ZNF423: variants seen among roughly 807,000 people sequenced by gnomAD.
ZNF423 encodes the protein zinc finger protein 423, also known as Ebf-associated zinc finger protein.
A neutral mutation model predicts 95.8 loss-of-function variants in ZNF423; 12 were observed. The observed-to-expected ratio is 0.13, with a 90% CI of 0.08 to 0.20. ZNF423 has a LOEUF of 0.20. ZNF423 is among the 10% of genes least tolerant of loss of function. ZNF423 has a pLI of 1.00. For missense variants in ZNF423, 1,316 were observed against 1,737.1 expected (o/e 0.76, Z 4.31); for synonymous variants, 749 against 711.9 (o/e 1.05, Z -0.83).
rs557439854 is a variant in ZNF423 at position 49,490,481 on chromosome 16, A to G, written c.*794T>C. ...TTCTTTTCCAAGGGGAGCAGGGTCT[A>G]TTGTGTGCAGGTCCCCAAGGGCGTG... On this transcript the variant is annotated 3_prime_UTR_variant, in exon 8 of 8. Coordinates refer to ENST00000563137, the MANE Select transcript of ZNF423 (RefSeq NM_001379286.1). The G allele has an allele frequency of 2.0e-5, 3 of 152,552 alleles. No individual in the cohort carries two copies. The highest frequency in any genetic ancestry group is 4.8e-5 in the African/African-American group (2 of 41,566). The allele number at this position is 152,552 out of a possible 1,614,324, so 9.4% of individuals were successfully genotyped here. A position where few individuals can be genotyped will look rare whatever the true frequency, so the allele number is the denominator to read the frequency against.
chr16:49,815,881 AATAT>A (rs1169322824), intron 1 of ZNF423, among the ~76,000 whole-genome samples: 70 of 47,596 alleles, frequency 1.5e-3, no homozygotes, highest in Middle Eastern at 0.018. Context: ...AAAAAAAAAA[AATAT>A]ATATATATAT....
chr16:49,530,989 A>T (rs1416134943), intron 5 of ZNF423, among the ~76,000 whole-genome samples: 6 of 152,244 alleles, frequency 3.9e-5, no homozygotes, highest in Non-Finnish European at 5.9e-5. Context: ...GAAGGAAGAC[A>T]GAGCCGCCCT....
chr16:49,646,574 C>CTTTTTTT lies in ZNF423; in HGVS notation c.302-7707_302-7701dup, dbSNP rs71380366. On this transcript the variant is annotated intron_variant, in intron 3 of 7. Transcript: ENST00000563137. ...TTATGGCACATTTTCTTTTCTTTTT[C>CTTTTTTT]TTTTTTTTTTTTTTGAGAAGGAGTC... Among the ~76,000 whole-genome samples, 58 of 117,996 alleles carry CTTTTTTT rather than the reference C, an allele frequency of 4.9e-4. 1 individual carries two copies. Among genetic ancestry groups the CTTTTTTT allele is most frequent in the South Asian group, 1.9e-3 (7 of 3,610 alleles). 77.4% of individuals were successfully genotyped at this position (117,996 alleles called of 152,430 possible).
rs796834568 is a variant in ZNF423 at position 49,492,472 on chromosome 16, AGGCCGG to A, written c.3850-1174_3850-1169del. Reference sequence around the variant, plus strand: ...TGCCAGTAGCCTCGCCCGGAGGCCGAGGCCGGGGCCGGGGCCGGGGCCGGGGCCGAG... The same window carrying A: ...TGCCAGTAGCCTCGCCCGGAGGCCGAGGCCGGGGCCGGGGCCGGGGCCGAG... On this transcript the variant is annotated intron_variant, in intron 7 of 7. Coordinates refer to ENST00000563137, the MANE Select transcript of ZNF423 (RefSeq NM_001379286.1). The surrounding 1 kb of genome is among the most constrained non-coding windows in gnomAD (Gnocchi z 4.2). Among the ~76,000 whole-genome samples the A allele has an allele frequency of 0.027, 4,097 of 152,082 alleles. 187 individuals carry two copies. The highest frequency in any genetic ancestry group is 0.092 in the African/African-American group (3,816 of 41,484).
intron 5 of ZNF423, among the ~76,000 whole-genome samples, chr16:49,623,698 G>A (rs983653953): frequency 5.3e-5 from 8 of 152,164 alleles, no homozygotes; most frequent in Non-Finnish European, 8.8e-5. Context: ...CTCCCTGTCA[G>A]GCCAAGCTCC....
chr16:49,809,552 G>T (rs1174757059), intron 1 of ZNF423, among the ~76,000 whole-genome samples: 1 of 152,214 alleles, frequency 6.6e-6, no homozygotes, highest in Non-Finnish European at 1.5e-5. Context: ...CCAAGAAGGC[G>T]AGAGGGGGAC....
At chr16:49,510,467 A>G (rs1244490861) in intron 7 of ZNF423, among the ~76,000 whole-genome samples, 2 of 152,208 alleles carry the variant, frequency 1.3e-5, no homozygotes, top group African/African-American at 4.8e-5. Context: ...GAGTGCTGCT[A>G]GGGACCTCAC....
At position 49,637,219 on chromosome 16, in the gene ZNF423, C is replaced by G; in HGVS notation, c.1957G>C (p.Glu653Gln). 6.2e-7 allele frequency: 1 copy of G among 1,614,070 alleles called. No individual in the cohort carries two copies. Among genetic ancestry groups the G allele is most frequent in the Non-Finnish European group, 8.5e-7 (1 of 1,180,038 alleles). ...NQCDLKFSNF[E>Q]SFQTHLKLHL... ...AGCTTCAGGTGGGTCTGGAAGCTCT[C>G]AAAGTTGGAGAACTTGAGGTCGCAT... Residue 653 changes from glutamate to glutamine, a missense_variant, in exon 4 of 8, where the codon GAG becomes CAG. Physicochemically the swap from Glu to Gln is conservative, Grantham distance 29 (BLOSUM62 2). Transcript: ENST00000563137. The surrounding 1 kb of genome is among the most constrained non-coding windows in gnomAD (Gnocchi z 5.6).
At chr16:49,633,738 A>C (rs1205656928) in intron 4 of ZNF423, among the ~76,000 whole-genome samples, 1 of 152,032 alleles carries the variant, frequency 6.6e-6, no homozygotes, top group Admixed American at 6.5e-5. Context: ...CAGCCCCTGG[A>C]GGGGGTCCTC....
intron 7 of ZNF423, among the ~76,000 whole-genome samples, chr16:49,518,810 T>C (rs535282659): frequency 5.3e-5 from 8 of 152,274 alleles, no homozygotes; most frequent in African/African-American, 1.7e-4. Flanking sequence ...ATCCCAACAC[T>C]CTGGGAAGCC....
At chr16:49,655,616 G>A (rs2029868305) in intron 3 of ZNF423, among the ~76,000 whole-genome samples, 1 of 152,146 alleles carries the variant, frequency 6.6e-6, no homozygotes, top group African/African-American at 2.4e-5. Context: ...GGGCACTGAG[G>A]GGGATGGGCG....
intron 5 of ZNF423, among the ~76,000 whole-genome samples, chr16:49,590,029 A>AACAT (rs1970958974): frequency 1.0e-5 from 1 of 97,538 alleles, no homozygotes; most frequent in Non-Finnish European, 2.2e-5. Context: ...GGAAGTGGCG[A>AACAT]ATATATATAT....
intron 1 of ZNF423, among the ~76,000 whole-genome samples, chr16:49,817,007 T>C (rs535372048): frequency 6.6e-6 from 1 of 152,328 alleles, no homozygotes; most frequent in Admixed American, 6.5e-5. Flanking sequence ...CATGTGTCTA[T>C]TTTAGATAAG....
chr16:49,777,712 C>T lies in ZNF423; in HGVS notation c.100+11775G>A, dbSNP rs2034143768. Among the ~76,000 whole-genome samples the T allele has an allele frequency of 3.3e-5, 5 of 152,338 alleles. 1 individual carries two copies. The South Asian group carries it at 1.0e-3, about 32-fold the overall frequency. ...GCCCTAGACTCAGACAAAACCCCAA[C>T]TAGCTGTGCAGACTGGACTAGTCTC... On this transcript the variant is annotated intron_variant, in intron 2 of 7. Transcript: ENST00000563137.
rs763060616 is a variant in ZNF423 at position 49,662,529 on chromosome 16, C to T, written c.302-23655G>A. On this transcript the variant is annotated intron_variant, in intron 3 of 7. Coordinates refer to ENST00000563137, the MANE Select transcript of ZNF423 (RefSeq NM_001379286.1). ...AAGTGCCTACTCTGCCAGCCCTGTT[C>T]GAGGCTCTGGGGATAGGGTATGAAG... Among the ~76,000 whole-genome samples the T allele has an allele frequency of 7.2e-5, 11 of 152,186 alleles. No homozygotes were observed. The South Asian group carries it at 8.3e-4, about 11-fold the overall frequency.
At chr16:49,616,678 G>C (rs565614573) in intron 5 of ZNF423, among the ~76,000 whole-genome samples, 1 of 151,978 alleles carries the variant, frequency 6.6e-6, no homozygotes, top group Non-Finnish European at 1.5e-5. Flanking sequence ...ATGAAAAATC[G>C]GCTTGATTGG....
rs1489027352 is a variant in ZNF423 at position 49,635,804 on chromosome 16, G to C, written c.3372C>G (p.Pro1124=). The C allele has an allele frequency of 6.2e-7, 1 of 1,611,324 alleles. No homozygotes were observed. The highest frequency in any genetic ancestry group is 8.5e-7 in the Non-Finnish European group (1 of 1,179,274). The change falls in exon 4 of 8, where the codon CCC becomes CCG. Residue 1124 remains proline (P), a synonymous_variant. Coordinates refer to ENST00000563137, the MANE Select transcript of ZNF423 (RefSeq NM_001379286.1). This position sits in a 1 kb window ranked among gnomAD's most constrained non-coding sequence, Gnocchi z 4.8. ...ACTCGGGGCAACGGAGGCCGGCACA[G>C]GGCCGGTCGGCGGGCTCGGGCGGGG... is the stretch of plus-strand genomic sequence containing the variant. ...GLAPPEPADR[P]CAGLRCPECS...
At chr16:49,532,286 C>T (rs1218984873) in intron 5 of ZNF423, among the ~76,000 whole-genome samples, 1 of 152,176 alleles carries the variant, frequency 6.6e-6, no homozygotes, top group Admixed American at 6.5e-5. Context: ...ACGGCTGTCC[C>T]CGACCCCCAG....
intron 3 of ZNF423, among the ~76,000 whole-genome samples, chr16:49,669,913 G>A (rs2030730572): frequency 1.3e-5 from 2 of 152,234 alleles, no homozygotes; most frequent in Admixed American, 1.3e-4. Context: ...GGGGAATGAT[G>A]GCTGTGGAGA....
Sources: allele counts gnomAD v4.1 joint callset (sites outside exome capture counted in the v4.1 genomes callset), GRCh38; gene constraint gnomAD v4.1.1; non-coding constraint Gnocchi (gnomAD v3.1); transcripts MANE v1.5; gene names NCBI Gene and HGNC (gene_info 2026-07-23, HGNC 2026-07-21).